The following TNFSF4 variants were observed in gnomAD, a reference collection of about 807,000 sequenced individuals.
The protein encoded by TNFSF4 is tumor necrosis factor ligand superfamily member 4.
Under a neutral mutation model 7.3 loss-of-function variants are expected in TNFSF4, and 4 were observed. That is an observed-to-expected ratio of 0.55 (90% confidence interval 0.27 to 1.25). The LOEUF is 1.25. Among genes scored for constraint, TNFSF4 ranks in the 50% most tolerant of loss-of-function variants. TNFSF4 has a pLI of 0.12. For synonymous variants in TNFSF4, 76 were observed against 83.7 expected (o/e 0.91, Z 0.50); for missense variants, 181 against 208.8 (o/e 0.87, Z 0.82).
chr1:173,212,104 C>T (rs1401117730), upstream of TNFSF4, among the ~76,000 whole-genome samples: 1 of 152,052 alleles, frequency 6.6e-6, no homozygotes, highest in Admixed American at 6.6e-5. Flanking sequence ...AGAGAGAAAG[C>T]AAGATACAAG....
At chr1:173,411,076 T>C in the TNFSF4 span, among the ~76,000 whole-genome samples, 1 of 152,362 alleles carries the variant, frequency 6.6e-6, no homozygotes, top group East Asian at 1.9e-4. Flanking sequence ...CTTTGGCCGC[T>C]TGACGTGTGT....
chr1:173,390,777 C>T, the TNFSF4 span, among the ~76,000 whole-genome samples: 3 of 123,028 alleles, frequency 2.4e-5, no homozygotes, highest in African/African-American at 3.2e-5. Flanking sequence ...TAGAGTTTCG[C>T]TCTTGTTGCC....
At chr1:173,286,526 G>A in the TNFSF4 span, among the ~76,000 whole-genome samples, 6 of 152,140 alleles carry the variant, frequency 3.9e-5, no homozygotes, top group African/African-American at 1.4e-4. Context: ...AGATAGTGAT[G>A]GATTCAGTGG....
At chr1:173,382,572 T>C in the TNFSF4 span, among the ~76,000 whole-genome samples, 2 of 152,346 alleles carry the variant, frequency 1.3e-5, no homozygotes, top group East Asian at 1.9e-4. Flanking sequence ...TAAAGTATAA[T>C]TTTTTAAAAA....
At chr1:173,201,826 A>C (rs1426047752) in intron 1 of TNFSF4, among the ~76,000 whole-genome samples, 1 of 152,178 alleles carries the variant, frequency 6.6e-6, no homozygotes, top group African/African-American at 2.4e-5. Context: ...TAGAAAATTC[A>C]GTTTCAATCC....
At chr1:173,426,756 C>G in the TNFSF4 span, among the ~76,000 whole-genome samples, 3 of 152,102 alleles carry the variant, frequency 2.0e-5, no homozygotes, top group African/African-American at 7.2e-5. Flanking sequence ...CCACACCCAG[C>G]AGATTTTTTC....
the TNFSF4 span, among the ~76,000 whole-genome samples, chr1:173,173,076 G>A: frequency 2.2e-4 from 34 of 152,094 alleles, no homozygotes; most frequent in Admixed American, 1.0e-3. Context: ...AACAGCTTGG[G>A]GGAACTACCC....
At chr1:173,215,553 G>T in the TNFSF4 span, among the ~76,000 whole-genome samples, 8 of 152,062 alleles carry the variant, frequency 5.3e-5, no homozygotes, top group Non-Finnish European at 8.8e-5. Context: ...AATAGTCTAC[G>T]TAATACACTA....
chr1:173,259,852 AC>A, the TNFSF4 span, among the ~76,000 whole-genome samples: 1 of 152,166 alleles, frequency 6.6e-6, no homozygotes. Flanking sequence ...ATGTAAAAAG[AC>A]CAAACCTACA....
At position 173,207,004 on chromosome 1, in the gene TNFSF4, C is replaced by T. The variant is rs772621544; in HGVS notation, c.153+20G>A. ...TCAGCATGAGCTGGTGGGAAAACAG[C>T]GCCCAGTGGTGCATCTTACCTGAAG... On this transcript the variant is annotated intron_variant, in intron 1 of 2. Coordinates refer to ENST00000281834, the MANE Select transcript of TNFSF4 (RefSeq NM_003326.5). 1.6e-5 allele frequency: 25 copies of T among 1,576,266 alleles called. No individual in the cohort carries two copies. The highest frequency in any genetic ancestry group is 1.9e-4 in the Middle Eastern group (1 of 5,290).
chr1:173,315,113 T>G, the TNFSF4 span, among the ~76,000 whole-genome samples: 1 of 152,232 alleles, frequency 6.6e-6, no homozygotes, highest in Admixed American at 6.5e-5. Flanking sequence ...TTGTTTTCCA[T>G]TTTTTACGTG....
chr1:173,182,719 A>T (rs192827882), downstream of TNFSF4, among the ~76,000 whole-genome samples: 6 of 152,342 alleles, frequency 3.9e-5, no homozygotes, highest in East Asian at 1.2e-3. Flanking sequence ...ATCTGGGCTG[A>T]AAAACGGTCT....
the TNFSF4 span, among the ~76,000 whole-genome samples, chr1:173,450,135 A>G: frequency 6.6e-6 from 1 of 152,188 alleles, no homozygotes; most frequent in Non-Finnish European, 1.5e-5. Flanking sequence ...TAACAAGGGA[A>G]CAGTACTATG....
intron 1 of TNFSF4, among the ~76,000 whole-genome samples, chr1:173,188,804 C>T (rs1166134092): frequency 6.6e-6 from 1 of 152,156 alleles, no homozygotes; most frequent in African/African-American, 2.4e-5. Flanking sequence ...CCTCCGCCTC[C>T]CTGGGCTCAG....
At chr1:173,379,307 G>T in the TNFSF4 span, among the ~76,000 whole-genome samples, 1 of 151,548 alleles carries the variant, frequency 6.6e-6, no homozygotes, top group Non-Finnish European at 1.5e-5. Flanking sequence ...CTGCTGACTT[G>T]TGTTCTAGAA....
At chr1:173,245,528 T>C in the TNFSF4 span, among the ~76,000 whole-genome samples, 6 of 152,190 alleles carry the variant, frequency 3.9e-5, no homozygotes, top group Admixed American at 2.0e-4. Flanking sequence ...CATGTATACA[T>C]TGCATAATGA....
chr1:173,220,885 CCACATACT>C, the TNFSF4 span, among the ~76,000 whole-genome samples: 13 of 152,068 alleles, frequency 8.5e-5, no homozygotes, highest in Non-Finnish European at 7.4e-5. Context: ...ATGCTGTGAC[CCACATACT>C]CACACTCACC....
chr1:173,276,724 C>T, the TNFSF4 span, among the ~76,000 whole-genome samples: 1 of 152,104 alleles, frequency 6.6e-6, no homozygotes, highest in African/African-American at 2.4e-5. Flanking sequence ...TAACATTTGC[C>T]TGAATTTTAG....
chr1:173,177,212 C>T, the TNFSF4 span, among the ~76,000 whole-genome samples: 2 of 151,846 alleles, frequency 1.3e-5, no homozygotes, highest in African/African-American at 2.4e-5. Context: ...ATAATTTTAC[C>T]TTAAAGAAAG....
Sources: gnomAD v4.1 joint callset for allele counts (sites outside exome capture counted in the v4.1 genomes callset) on GRCh38, gnomAD v4.1.1 for gene constraint, MANE v1.5 for transcripts, NCBI Gene and HGNC (gene_info 2026-07-23, HGNC 2026-07-21) for gene names.